XPO1: variants seen among roughly 807,000 people sequenced by gnomAD.
XPO1 encodes the protein exportin-1.
A neutral mutation model predicts 133.3 loss-of-function variants in XPO1; 5 were observed. That is an observed-to-expected ratio of 0.04 (90% CI 0.02 to 0.08). XPO1 has a LOEUF of 0.08. Ranked by LOEUF, XPO1 falls within the 10% of genes least tolerant of loss-of-function variation. The pLI, the probability that XPO1 is intolerant of heterozygous loss-of-function variation, is 1.00. For missense variants in XPO1, 506 were observed against 1,267.5 expected (o/e 0.40, Z 9.12); for synonymous variants, 419 against 408.2 (o/e 1.03, Z -0.32).
chr2:61,482,057 T>TTTTTTTTTC, intron 23 of XPO1, among the ~76,000 whole-genome samples: 1 of 71,728 alleles, frequency 1.4e-5, no homozygotes, highest in African/African-American at 4.9e-5. Context: ...TTTTTTTTTT[T>TTTTTTTTTC]GCTTTTTTAA....
chr2:61,506,970 C>G (rs1369071547), intron 4 of XPO1, among the ~76,000 whole-genome samples: 3 of 152,052 alleles, frequency 2.0e-5, no homozygotes, highest in Admixed American at 2.0e-4. Flanking sequence ...TGGCTCACAC[C>G]TGTAATCCCA....
chr2:61,512,121 G>T (rs550396556), intron 4 of XPO1, among the ~76,000 whole-genome samples: 18 of 152,276 alleles, frequency 1.2e-4, no homozygotes, highest in Admixed American at 5.2e-4. Flanking sequence ...GACAAAAAAC[G>T]ATTTGGAATG....
intron 6 of XPO1, among the ~76,000 whole-genome samples, chr2:61,500,283 G>A (rs928836465): frequency 6.6e-5 from 10 of 151,714 alleles, no homozygotes; most frequent in African/African-American, 2.4e-4. Context: ...CCAGGAGTCT[G>A]AGAACAGCCT....
intron 3 of XPO1, among the ~76,000 whole-genome samples, chr2:61,524,579 T>TA (rs958915190): frequency 1.4e-4 from 22 of 152,312 alleles, no homozygotes; most frequent in Admixed American, 2.6e-4. Flanking sequence ...CTCCCAGACA[T>TA]AAAGACTTTG....
intron 4 of XPO1, among the ~76,000 whole-genome samples, chr2:61,515,937 C>CCACA (rs35237510): frequency 0.024 from 2,678 of 110,720 alleles, 116 homozygotes; most frequent in African/African-American, 0.083. Context: ...AAAAAAAAAA[C>CCACA]CACACACACA....
chr2:61,510,121 C>G (rs960371608), intron 4 of XPO1, among the ~76,000 whole-genome samples: 1 of 151,630 alleles, frequency 6.6e-6, no homozygotes, highest in African/African-American at 2.4e-5. Context: ...TATTAAAATA[C>G]AAAAAAATAG....
In XPO1 at chr2:61,499,386, C is replaced by A. The variant is rs575030871; in HGVS notation, c.590+327G>T. 5.9e-5 allele frequency among the ~76,000 whole-genome samples: 9 copies of A among 152,164 alleles called. No homozygotes were observed. In the South Asian group the frequency reaches 1.5e-3, roughly 25 times the overall value. On this transcript the variant is annotated intron_variant, in intron 7 of 24. Transcript: ENST00000401558. Reference sequence around the variant, plus strand: ...CAAGATTGCGCTGCTGCACTCCACCCCAGGCAATAGAGCAAGACTTGTCTC... The same window carrying A: ...CAAGATTGCGCTGCTGCACTCCACCACAGGCAATAGAGCAAGACTTGTCTC...
chr2:61,487,939 C>T (rs1696777652), intron 19 of XPO1, among the ~76,000 whole-genome samples: 1 of 152,170 alleles, frequency 6.6e-6, no homozygotes, highest in South Asian at 2.1e-4. Flanking sequence ...TCTTAGCTAT[C>T]TTGTTACATA....
At chr2:61,505,035 G>A (rs1468720335) in intron 4 of XPO1, among the ~76,000 whole-genome samples, 1 of 152,226 alleles carries the variant, frequency 6.6e-6, no homozygotes, top group African/African-American at 2.4e-5. Flanking sequence ...TTTAGAGGCA[G>A]GGTCTTGGTC....
chr2:61,528,723 G>A (rs1371908833), intron 2 of XPO1, among the ~76,000 whole-genome samples: 10 of 124,706 alleles, frequency 8.0e-5, no homozygotes. Flanking sequence ...CAGCCATGTC[G>A]ACATTTTATT....
intron 1 of XPO1, chr2:61,536,986 T>C (rs1699382421): frequency 6.6e-6 from 1 of 152,210 alleles, no homozygotes; most frequent in Admixed American, 6.5e-5. Flanking sequence ...CGGAATCCCA[T>C]GTGCAGGCCC....
Position 61,478,979 on chromosome 2 carries a change from A to ATTTTT in XPO1, c.3070-14_3070-13insAAAAA. On this transcript the variant is annotated splice_polypyrimidine_tract_variant and intron_variant, in intron 24 of 24. Transcript: ENST00000401558. Reference sequence around the variant, plus strand: ...CACCTGCAAATTCCTGTGAAAACAGATAGTTGAAATGTCAACGCAATAAAC... The same window carrying ATTTTT: ...CACCTGCAAATTCCTGTGAAAACAGATTTTTTAGTTGAAATGTCAACGCAATAAAC... The ATTTTT allele has an allele frequency of 6.2e-7, 1 of 1,609,374 alleles. No individual in the cohort carries two copies. The highest frequency in any genetic ancestry group is 8.5e-7 in the Non-Finnish European group (1 of 1,178,376).
intron 12 of XPO1, 194 bp downstream of exon 12, chr2:61,493,698 TGA>T (rs1034630714): frequency 3.4e-6 from 2 of 581,554 alleles, no homozygotes; most frequent in African/African-American, 1.9e-5. Flanking sequence ...ATGTTGATAC[TGA>T]GAGAAGGACC....
chr2:61,515,088 A>AAAT (rs1163640709), intron 4 of XPO1, among the ~76,000 whole-genome samples: 1 of 150,770 alleles, frequency 6.6e-6, no homozygotes, highest in Non-Finnish European at 1.5e-5. Flanking sequence ...AAAAAAAAAA[A>AAAT]TCCACACAAT....
At chr2:61,506,330 T>C (rs562009072) in intron 4 of XPO1, among the ~76,000 whole-genome samples, 3 of 152,068 alleles carry the variant, frequency 2.0e-5, no homozygotes, top group Non-Finnish European at 2.9e-5. Context: ...GGCTGAGGCA[T>C]GAGAATCATT....
In XPO1 at chr2:61,494,050, A is replaced by G. The variant is rs1697122931; in HGVS notation, c.1089T>C (p.Thr363=). 2 of 1,613,944 alleles carry G rather than the reference A, an allele frequency of 1.2e-6. No individual in the cohort carries two copies. Among genetic ancestry groups the G allele is most frequent in the African/African-American group, 1.3e-5 (1 of 74,952 alleles). Residue 363 remains threonine (T), a synonymous_variant, in exon 12 of 25, where the codon ACT becomes ACC. Coordinates refer to ENST00000401558, the MANE Select transcript of XPO1 (RefSeq NM_003400.4). The part of the protein sequence containing the change: ...YMLLVSEVEE[T]EIFKICLEYW... ...ATTCAAGACAAATTTTAAAGATTTC[A>G]GTTTCTTCTACTTCAGATACCAACA...
At chr2:61,536,794 CAG>C (rs1699372858) in intron 1 of XPO1, 1 of 152,328 alleles carries the variant, frequency 6.6e-6, no homozygotes. Context: ...TCGGCGTGAT[CAG>C]AGGAGGTCCG....
At chr2:61,498,121 G>A (rs751340179) in intron 9 of XPO1, among the ~76,000 whole-genome samples, 2 of 152,168 alleles carry the variant, frequency 1.3e-5, no homozygotes, top group Non-Finnish European at 2.9e-5. Flanking sequence ...TTTTGAGACA[G>A]GGTCTCGCTC....
intron 2 of XPO1, among the ~76,000 whole-genome samples, chr2:61,529,217 T>A (rs1299605812): frequency 6.6e-6 from 1 of 152,200 alleles, no homozygotes; most frequent in African/African-American, 2.4e-5. Context: ...GTTATCTTTC[T>A]CTTATACTTT....
Sources: gnomAD v4.1 joint callset for allele counts (sites outside exome capture counted in the v4.1 genomes callset) on GRCh38, gnomAD v4.1.1 for gene constraint, MANE v1.5 for transcripts, NCBI Gene and HGNC (gene_info 2026-07-23, HGNC 2026-07-21) for gene names.